LYST: variants seen among roughly 807,000 people sequenced by gnomAD.
LYST encodes lysosomal trafficking regulator.
A neutral mutation model predicts 413.6 loss-of-function variants in LYST; 192 were observed. The ratio of observed to expected loss-of-function variants is 0.46; its 90% confidence interval spans 0.41 to 0.52. The LOEUF (loss-of-function observed/expected upper bound fraction) is 0.52. Ranked by LOEUF, LYST falls within the 20% of genes least tolerant of loss-of-function variation. The probability of loss-of-function intolerance (pLI) is 0.00; values close to 1 mark genes in which losing one functional copy is unlikely to be tolerated. For synonymous variants in LYST, 1,525 were observed against 1,567.3 expected (o/e 0.97, Z 0.64); for missense variants, 3,815 against 4,499.9 (o/e 0.85, Z 4.35).
At chr1:235,766,482 A>G (rs1401216530) in intron 20 of LYST, among the ~76,000 whole-genome samples, 2 of 152,198 alleles carry the variant, frequency 1.3e-5, no homozygotes, top group East Asian at 3.8e-4. Flanking sequence ...TCATTAACAC[A>G]GATGGCAACT....
At chr1:235,789,186 C>G (rs1287306945) in intron 12 of LYST, among the ~76,000 whole-genome samples, 1 of 152,138 alleles carries the variant, frequency 6.6e-6, no homozygotes, top group Non-Finnish European at 1.5e-5. Flanking sequence ...TTCACTGACC[C>G]TGGTCCAGGG....
intron 38 of LYST, among the ~76,000 whole-genome samples, chr1:235,724,876 A>C (rs902246087): frequency 2.6e-5 from 4 of 152,254 alleles, no homozygotes; most frequent in African/African-American, 4.8e-5. Context: ...CCAGAAGTCA[A>C]AAATGTAGAG....
Position 235,777,258 on chromosome 1 carries a change from G to A in LYST, c.5265C>T (p.Ile1755=), listed in dbSNP as rs1183663141. 4 of 1,612,354 alleles carry A rather than the reference G, an allele frequency of 2.5e-6. No individual in the cohort carries two copies. In the Admixed American group the frequency reaches 6.7e-5, roughly 27 times the overall value. The change falls in exon 17 of 53, where the codon ATC becomes ATT. Residue 1755 remains isoleucine, a synonymous_variant. Coordinates refer to ENST00000389793, the MANE Select transcript of LYST (RefSeq NM_000081.4). Reference sequence around the variant, plus strand: ...CTTTAAGTCTAATCACTGGTTCATAGATGGTATACTGAGCAGGACAGTAAG... The same window carrying A: ...CTTTAAGTCTAATCACTGGTTCATAAATGGTATACTGAGCAGGACAGTAAG... ...YTTYCPAQYT[I]YEPVIRLKGQ... is the part of the protein sequence containing the mutation.
chr1:235,663,160 T>C (rs1418693912), intron 52 of LYST, 82 bp from the exon 53 acceptor site: 18 of 959,326 alleles, frequency 1.9e-5, no homozygotes, highest in Non-Finnish European at 2.3e-5. Flanking sequence ...CTGAGGTTAG[T>C]GTAAAGAAGT....
chr1:235,787,393 G>A lies in LYST; in HGVS notation c.4689-20C>T, dbSNP rs754303812. The A allele has an allele frequency of 2.5e-6, 4 of 1,608,692 alleles. No individual in the cohort carries two copies. In the African/African-American group the frequency reaches 4.0e-5, roughly 16 times the overall value. The stretch of plus-strand genomic sequence containing the variant: ...CACACACTACAGAAAAAGAGAAAAG[G>A]CATAGGCTGAAAACATGAAAATTCT... On this transcript the variant is annotated intron_variant, in intron 13 of 52. Coordinates refer to ENST00000389793, the MANE Select transcript of LYST (RefSeq NM_000081.4).
At chr1:235,851,175 T>C (rs960733394) in intron 1 of LYST, among the ~76,000 whole-genome samples, 4 of 133,998 alleles carry the variant, frequency 3.0e-5, no homozygotes, top group South Asian at 5.9e-4. Flanking sequence ...TAAGTATGTA[T>C]GTATATGTGT....
chr1:235,741,676 A>G (rs1460884031), intron 30 of LYST, 48 bp from the exon 31 acceptor site: 2 of 1,349,346 alleles, frequency 1.5e-6, no homozygotes. Context: ...CTGCTTAAGC[A>G]ATACCATGCT....
chr1:235,793,065 T>C (rs1671188226), intron 11 of LYST, among the ~76,000 whole-genome samples: 1 of 152,154 alleles, frequency 6.6e-6, no homozygotes, highest in Non-Finnish European at 1.5e-5. Context: ...TAAAAATGGG[T>C]TTCCTAGCAG....
intron 1 of LYST, among the ~76,000 whole-genome samples, chr1:235,859,226 A>C (rs1435588086): frequency 6.6e-6 from 1 of 151,938 alleles, no homozygotes; most frequent in Non-Finnish European, 1.5e-5. Flanking sequence ...CCTGGACCTG[A>C]CTCTTCCATT....
chr1:235,753,290 C>T lies in LYST; in HGVS notation c.7230-16G>A. 7.4e-7 allele frequency: 1 copy of T among 1,348,340 alleles called. No homozygotes were observed. Among genetic ancestry groups the T allele is most frequent in the Non-Finnish European group, 1.1e-6 (1 of 938,508 alleles). 83.5% of individuals were successfully genotyped at this position (1,348,340 alleles called of 1,614,324 possible). On this transcript the variant is annotated splice_polypyrimidine_tract_variant and intron_variant, in intron 25 of 52. Coordinates refer to ENST00000389793, the MANE Select transcript of LYST (RefSeq NM_000081.4). ...CAGATCAAATCTATAATAAATAATACAGTTAAGAGCACATTAGAAACAATC... is the reference window on the plus strand; with the variant it reads ...CAGATCAAATCTATAATAAATAATATAGTTAAGAGCACATTAGAAACAATC...
chr1:235,819,551 A>G (rs1314788467), intron 3 of LYST, among the ~76,000 whole-genome samples: 2 of 152,202 alleles, frequency 1.3e-5, no homozygotes, highest in East Asian at 3.9e-4. Flanking sequence ...GTGCCATATT[A>G]GACAATATAT....
intron 1 of LYST, among the ~76,000 whole-genome samples, chr1:235,835,957 T>C (rs768259074): frequency 6.6e-6 from 1 of 152,216 alleles, no homozygotes; most frequent in African/African-American, 2.4e-5. Flanking sequence ...ATTGTTATAA[T>C]GTCATAACAA....
rs756963076 is a variant in LYST, at chr1:235,661,939, G to C, written c.*1001C>G. 6.6e-6 allele frequency: 1 copy of C among 152,274 alleles called. No individual in the cohort carries two copies. The highest frequency in any genetic ancestry group is 1.5e-5 in the Non-Finnish European group (1 of 68,032). The allele number at this position is 152,274 out of a possible 1,614,324, so 9.4% of individuals were successfully genotyped here. ...AATTCTCAGATGGTATAGGTTAGTA[G>C]AAACAGAATGAAATGGTTTCCTAAA... On this transcript the variant is annotated 3_prime_UTR_variant, in exon 53 of 53. Coordinates refer to ENST00000389793, the MANE Select transcript of LYST (RefSeq NM_000081.4).
Position 235,806,282 on chromosome 1 carries a change from G to A in LYST, c.2854C>T (p.Pro952Ser). 6.2e-7 allele frequency: 1 copy of A among 1,613,940 alleles called. No individual in the cohort carries two copies. Among genetic ancestry groups the A allele is most frequent in the East Asian group, 2.2e-5 (1 of 44,862 alleles). Residue 952 changes from proline (P) to serine (S), a missense_variant, in exon 6 of 53, where the codon CCT (proline) becomes TCT (serine). By Grantham distance (74) the Pro-to-Ser change is moderately conservative (BLOSUM62 -1). Transcript: ENST00000389793. ...PCISLESLVL[P>S]SPEHMHQAAD... is the part of the protein sequence containing the mutation. ...GCTTGGTGCATATGTTCAGGAGAAGGCAAGACAAGGCTCTCGAGAGATATA... is the reference window on the plus strand; with the variant it reads ...GCTTGGTGCATATGTTCAGGAGAAGACAAGACAAGGCTCTCGAGAGATATA...
At chr1:235,819,979 G>A (rs1674573806) in intron 3 of LYST, among the ~76,000 whole-genome samples, 1 of 152,120 alleles carries the variant, frequency 6.6e-6, no homozygotes, top group Non-Finnish European at 1.5e-5. Flanking sequence ...CTTTCTACAG[G>A]GAAAATAACT....
At chr1:235,873,851 T>C (rs535152056) in intron 1 of LYST, among the ~76,000 whole-genome samples, 1 of 152,342 alleles carries the variant, frequency 6.6e-6, no homozygotes, top group South Asian at 2.1e-4. Flanking sequence ...ACATTATCAT[T>C]TGAAATACAG....
chr1:235,856,167 T>C (rs574548467), intron 1 of LYST, among the ~76,000 whole-genome samples: 2 of 152,272 alleles, frequency 1.3e-5, no homozygotes, highest in African/African-American at 2.4e-5. Flanking sequence ...GTGGTCTAAA[T>C]GTAGACTTGT....
At chr1:235,758,529 T>C (rs6701580) in intron 23 of LYST, among the ~76,000 whole-genome samples, 7,674 of 152,240 alleles carry the variant, frequency 0.05, 657 homozygotes, top group African/African-American at 0.17. Context: ...ATGACACCTG[T>C]TCCTCTTCCC....
chr1:235,680,018 T>TACACAC (rs34599051), intron 48 of LYST, among the ~76,000 whole-genome samples: 13 of 150,630 alleles, frequency 8.6e-5, no homozygotes, highest in Middle Eastern at 3.5e-3. Context: ...TATCTATGTA[T>TACACAC]ACACACACAC....
Sources: gnomAD v4.1 joint callset for allele counts (sites outside exome capture counted in the v4.1 genomes callset) on GRCh38, gnomAD v4.1.1 for gene constraint, MANE v1.5 for transcripts, NCBI Gene and HGNC (gene_info 2026-07-23, HGNC 2026-07-21) for gene names.